RAB38: variants seen among roughly 807,000 people sequenced by gnomAD.
RAB38 encodes the protein ras-related protein Rab-38.
A neutral mutation model predicts 18.4 loss-of-function variants in RAB38; 15 were observed. That is an observed-to-expected ratio of 0.82 (90% CI 0.55 to 1.26). The LOEUF is 1.26. Among genes scored for constraint, RAB38 ranks in the 50% most tolerant of loss-of-function variants. The pLI is 0.00. For synonymous variants in RAB38, 101 were observed against 104.4 expected (o/e 0.97, Z 0.20); for missense variants, 294 against 267.4 (o/e 1.10, Z -0.69).
the RAB38 span, among the ~76,000 whole-genome samples, chr11:87,808,268 GCAGTGTTTTT>G: frequency 6.6e-6 from 1 of 152,196 alleles, no homozygotes; most frequent in African/African-American, 2.4e-5. Flanking sequence ...CATGTTTAGT[GCAGTGTTTTT>G]CACAATAGCC....
chr11:88,142,365 C>G (rs557661358), intron 2 of RAB38, among the ~76,000 whole-genome samples: 1 of 152,306 alleles, frequency 6.6e-6, no homozygotes, highest in East Asian at 1.9e-4. Flanking sequence ...CTGGAAGGTT[C>G]TTAGTATGCA....
At chr11:87,907,883 T>C in the RAB38 span, among the ~76,000 whole-genome samples, 1 of 151,850 alleles carries the variant, frequency 6.6e-6, no homozygotes, top group Non-Finnish European at 1.5e-5. Context: ...AAATTTGCTA[T>C]ACTTATTTTT....
the RAB38 span, among the ~76,000 whole-genome samples, chr11:87,960,820 A>T: frequency 6.6e-6 from 1 of 152,196 alleles, no homozygotes; most frequent in African/African-American, 2.4e-5. Flanking sequence ...ACCAGCCAAA[A>T]TCTACCCAGA....
chr11:87,909,075 C>T, the RAB38 span, among the ~76,000 whole-genome samples: 1 of 151,896 alleles, frequency 6.6e-6, no homozygotes, highest in East Asian at 1.9e-4. Flanking sequence ...TCACATATAT[C>T]CTCTTGCCTC....
At chr11:88,034,822 C>G in the RAB38 span, among the ~76,000 whole-genome samples, 2 of 152,130 alleles carry the variant, frequency 1.3e-5, no homozygotes, top group Non-Finnish European at 2.9e-5. Flanking sequence ...TTATTCATGT[C>G]TTTGTTGAGT....
the RAB38 span, among the ~76,000 whole-genome samples, chr11:88,004,961 T>C: frequency 4.6e-5 from 7 of 151,394 alleles, no homozygotes; most frequent in African/African-American, 1.7e-4. Context: ...CAAAACAAAA[T>C]ATTCCAGAGA....
At chr11:87,965,585 G>C in the RAB38 span, among the ~76,000 whole-genome samples, 3 of 152,106 alleles carry the variant, frequency 2.0e-5, no homozygotes, top group African/African-American at 7.2e-5. Flanking sequence ...GTGGGGTATG[G>C]AGGGGTGAAA....
the RAB38 span, among the ~76,000 whole-genome samples, chr11:87,936,193 G>T: frequency 6.6e-6 from 1 of 151,806 alleles, no homozygotes; most frequent in Non-Finnish European, 1.5e-5. Context: ...TGCTTTTGGT[G>T]TCAAGTCTAT....
chr11:88,013,289 C>A, the RAB38 span, among the ~76,000 whole-genome samples: 46,202 of 151,958 alleles, frequency 0.3, 8,136 homozygotes, highest in Non-Finnish European at 0.4. Flanking sequence ...GCTTATCTGT[C>A]TAAAGCAGGG....
chr11:87,880,500 T>C, the RAB38 span, among the ~76,000 whole-genome samples: 10 of 151,824 alleles, frequency 6.6e-5, no homozygotes, highest in Non-Finnish European at 1.3e-4. Context: ...GAAATCACAT[T>C]GTGCTATGTT....
chr11:87,841,108 T>TTAAG, the RAB38 span, among the ~76,000 whole-genome samples: 1 of 150,176 alleles, frequency 6.7e-6, no homozygotes, highest in African/African-American at 2.5e-5. Flanking sequence ...TGAGTTAATA[T>TTAAG]TAAGTATTTA....
the RAB38 span, among the ~76,000 whole-genome samples, chr11:88,059,145 A>C: frequency 6.8e-6 from 1 of 147,716 alleles, no homozygotes; most frequent in African/African-American, 2.5e-5. Flanking sequence ...TAACAACAGA[A>C]ACTATATCAT....
chr11:87,965,507 G>A, the RAB38 span, among the ~76,000 whole-genome samples: 1 of 152,074 alleles, frequency 6.6e-6, no homozygotes, highest in Non-Finnish European at 1.5e-5. Context: ...TCCCTCAAGA[G>A]AAAACTGCTC....
the RAB38 span, among the ~76,000 whole-genome samples, chr11:87,876,266 G>A: frequency 6.6e-6 from 1 of 151,546 alleles, no homozygotes; most frequent in Non-Finnish European, 1.5e-5. Context: ...AACAAAGTGG[G>A]TCTAATCTAG....
At chr11:87,976,670 ATGAT>A in the RAB38 span, among the ~76,000 whole-genome samples, 1 of 99,360 alleles carries the variant, frequency 1.0e-5, no homozygotes, top group African/African-American at 3.6e-5. Flanking sequence ...ATAATTTTAT[ATGAT>A]ATATATTTAT....
chr11:88,160,713 A>C (rs1943179504), intron 1 of RAB38, among the ~76,000 whole-genome samples: 1 of 152,174 alleles, frequency 6.6e-6, no homozygotes, highest in Non-Finnish European at 1.5e-5. Flanking sequence ...CATTACCCTA[A>C]GTGAATTAAT....
intron 2 of RAB38, among the ~76,000 whole-genome samples, chr11:88,124,147 T>C (rs1046938711): frequency 6.6e-6 from 1 of 152,222 alleles, no homozygotes; most frequent in Non-Finnish European, 1.5e-5. Flanking sequence ...TAAATTAATA[T>C]TTTAGTCACT....
intron 2 of RAB38, among the ~76,000 whole-genome samples, chr11:88,115,113 C>T (rs1942531112): frequency 6.6e-6 from 1 of 152,076 alleles, no homozygotes; most frequent in South Asian, 2.1e-4. Context: ...AAACCTAAGA[C>T]ATATAGAAAA....
chr11:87,897,157 C>A, the RAB38 span, among the ~76,000 whole-genome samples: 1 of 150,066 alleles, frequency 6.7e-6, no homozygotes, highest in Non-Finnish European at 1.5e-5. Context: ...TCAGATTTAA[C>A]CCCCCCCAAA....
Sources: gnomAD v4.1 joint callset for allele counts (sites outside exome capture counted in the v4.1 genomes callset) on GRCh38, gnomAD v4.1.1 for gene constraint, MANE v1.5 for transcripts, NCBI Gene and HGNC (gene_info 2026-07-23, HGNC 2026-07-21) for gene names.